Variants in TCF12 observed in about 807,000 individuals in gnomAD.
TCF12 encodes the protein DNA-binding protein HTF4.
TCF12 carries 45 observed loss-of-function variants against 86.0 expected under a neutral mutation model. That is an observed-to-expected ratio of 0.52 (90% confidence interval 0.41 to 0.67). The LOEUF is 0.67. TCF12 is among the 30% of genes least tolerant of loss of function. The pLI is 0.00. For synonymous variants in TCF12, 330 were observed against 299.6 expected (o/e 1.10, Z -1.05); for missense variants, 881 against 859.9 (o/e 1.02, Z -0.31).
At chr15:57,187,891 G>A (rs984769861) in intron 6 of TCF12, among the ~76,000 whole-genome samples, 1 of 151,910 alleles carries the variant, frequency 6.6e-6, no homozygotes, top group Non-Finnish European at 1.5e-5. Context: ...GATTGTGCCA[G>A]TGCACTCCAG....
At chr15:56,925,829 G>T (rs1309815341) in intron 3 of TCF12, among the ~76,000 whole-genome samples, 1 of 152,182 alleles carries the variant, frequency 6.6e-6, no homozygotes, top group Non-Finnish European at 1.5e-5. Flanking sequence ...AATTGTTTGT[G>T]TTTAGGGAAG....
At chr15:57,282,651 T>TA (rs1197716336) in intron 20 of TCF12, 53 bp downstream of exon 20, 1 of 1,567,156 alleles carries the variant, frequency 6.4e-7, no homozygotes, top group Non-Finnish European at 8.6e-7. Context: ...AGATTCATCT[T>TA]AAACTGGGTT....
intron 3 of TCF12, among the ~76,000 whole-genome samples, chr15:56,986,209 A>C (rs2140926401): frequency 6.6e-6 from 1 of 152,304 alleles, no homozygotes; most frequent in African/African-American, 2.4e-5. Context: ...GGTTACAGAA[A>C]GTATGCTTTT....
At chr15:57,233,332 TACTCA>T (rs1275095276) in intron 11 of TCF12, among the ~76,000 whole-genome samples, 1 of 151,498 alleles carries the variant, frequency 6.6e-6, no homozygotes, top group East Asian at 2.0e-4. Flanking sequence ...TGTACCACCA[TACTCA>T]GCTAATTTTT....
rs1193992394 is a variant in TCF12, at chr15:56,948,055, G to T, written c.148+26957G>T. 1.3e-5 allele frequency among the ~76,000 whole-genome samples: 2 copies of T among 152,062 alleles called. 1 individual carries two copies. The highest frequency in any genetic ancestry group is 4.8e-5 in the African/African-American group (2 of 41,376). ...TGACTTATTTATCACTTTTGTAAGG[G>T]TTATTAATAAGCTTCATTTATAAGG... On this transcript the variant is annotated intron_variant, in intron 3 of 20. Coordinates refer to ENST00000333725, the MANE Select transcript of TCF12 (RefSeq NM_207037.2).
At chr15:57,039,276 T>G (rs2066731785) in intron 3 of TCF12, among the ~76,000 whole-genome samples, 1 of 152,340 alleles carries the variant, frequency 6.6e-6, no homozygotes, top group South Asian at 2.1e-4. Context: ...GATGTCTAAA[T>G]AAATAGACAT....
At chr15:57,211,900 G>A (rs549514661) in intron 8 of TCF12, among the ~76,000 whole-genome samples, 15 of 152,222 alleles carry the variant, frequency 9.9e-5, no homozygotes, top group African/African-American at 3.6e-4. Context: ...GTTGCAGTGA[G>A]CCAAGATTGC....
At chr15:57,116,468 C>T (rs1363279538) in intron 5 of TCF12, among the ~76,000 whole-genome samples, 4 of 152,124 alleles carry the variant, frequency 2.6e-5, no homozygotes, top group African/African-American at 2.4e-5. Flanking sequence ...ACCTCAGTCT[C>T]CTGAGTAGGT....
rs1351621336 is a variant in TCF12, at chr15:57,003,193, T to TGAAG, written c.149-60557_149-60556insGAAG. Among the ~76,000 whole-genome samples, 45 of 152,294 alleles carry TGAAG rather than the reference T, an allele frequency of 3.0e-4. 1 individual carries two copies. The East Asian group carries it at 8.5e-3, about 29-fold the overall frequency. ...GGTAATGGGTAACTTCAGTGGCTTCTCAGTCAAGGTAGTATGGTCTATAAA... is the reference window on the plus strand; with the variant it reads ...GGTAATGGGTAACTTCAGTGGCTTCTGAAGCAGTCAAGGTAGTATGGTCTATAAA... On this transcript the variant is annotated intron_variant, in intron 3 of 20. Coordinates refer to ENST00000333725, the MANE Select transcript of TCF12 (RefSeq NM_207037.2).
chr15:57,130,800 C>G (rs192649444), intron 5 of TCF12, among the ~76,000 whole-genome samples: 38 of 152,182 alleles, frequency 2.5e-4, no homozygotes, highest in Non-Finnish European at 4.0e-4. Context: ...TATATTAGCT[C>G]ATAAAATCTT....
chr15:56,966,976 G>T (rs1595889824), intron 3 of TCF12, among the ~76,000 whole-genome samples: 1 of 152,044 alleles, frequency 6.6e-6, no homozygotes, highest in Non-Finnish European at 1.5e-5. Context: ...ACAAAAATTA[G>T]CCAGGCATGG....
At chr15:56,960,943 C>T (rs1215291862) in intron 3 of TCF12, among the ~76,000 whole-genome samples, 1 of 151,660 alleles carries the variant, frequency 6.6e-6, no homozygotes, top group Non-Finnish European at 1.5e-5. Context: ...AGTTCGAGAC[C>T]AGCCTGGCCA....
intron 3 of TCF12, among the ~76,000 whole-genome samples, chr15:56,971,657 A>G (rs2062335357): frequency 6.6e-6 from 1 of 152,156 alleles, no homozygotes. Flanking sequence ...GGGAAAGTGT[A>G]AGATTTCACC....
At chr15:57,133,915 T>C (rs1353938898) in intron 5 of TCF12, among the ~76,000 whole-genome samples, 1 of 152,200 alleles carries the variant, frequency 6.6e-6, no homozygotes, top group African/African-American at 2.4e-5. Context: ...ATCTGTTCTT[T>C]TTTGCTGTTT....
At chr15:56,945,167 A>AT (rs2060941250) in intron 3 of TCF12, among the ~76,000 whole-genome samples, 3 of 152,182 alleles carry the variant, frequency 2.0e-5, no homozygotes, top group Non-Finnish European at 4.4e-5. Context: ...TGATTTTTAT[A>AT]TTGACTTATT....
intron 3 of TCF12, among the ~76,000 whole-genome samples, chr15:57,048,250 GTTTGT>G (rs140195356): frequency 0.047 from 7,120 of 151,570 alleles, 477 homozygotes; most frequent in African/African-American, 0.15. Context: ...TTGTTTGTTT[GTTTGT>G]TTTGTTTTGT....
rs74663315 is a variant in TCF12 at position 57,095,914 on chromosome 15, A to G, written c.325+4023A>G. 3.9e-3 allele frequency among the ~76,000 whole-genome samples: 598 copies of G among 152,296 alleles called. 17 individuals carry two copies. The East Asian group carries it at 0.072, about 18-fold the overall frequency. The stretch of plus-strand genomic sequence containing the variant: ...CTAGAATTATAACTGCTATTTTGCA[A>G]ATGATTAAAACTAAGGCAGAGGACA... On this transcript the variant is annotated intron_variant, in intron 5 of 20. Coordinates refer to ENST00000333725, the MANE Select transcript of TCF12 (RefSeq NM_207037.2).
At chr15:57,186,069 T>A (rs74740019) in intron 6 of TCF12, among the ~76,000 whole-genome samples, 1 of 152,106 alleles carries the variant, frequency 6.6e-6, no homozygotes, top group African/African-American at 2.4e-5. Flanking sequence ...GCTAAAAAAA[T>A]TGAATAATCT....
chr15:57,086,218 A>G (rs1046145915), intron 4 of TCF12, among the ~76,000 whole-genome samples: 99 of 144,456 alleles, frequency 6.9e-4, no homozygotes, highest in Admixed American at 4.1e-3. Flanking sequence ...TGATGATAAT[A>G]ATAATAATAA....
Sources: gnomAD v4.1 joint callset for allele counts (sites outside exome capture counted in the v4.1 genomes callset) on GRCh38, gnomAD v4.1.1 for gene constraint, MANE v1.5 for transcripts, NCBI Gene and HGNC (gene_info 2026-07-23, HGNC 2026-07-21) for gene names.